TET1: variants seen among roughly 807,000 people sequenced by gnomAD.
TET1 encodes the protein tet methylcytosine dioxygenase 1.
Under a neutral mutation model 148.7 loss-of-function variants are expected in TET1, and 13 were observed. The observed-to-expected ratio is 0.09, with a 90% confidence interval of 0.06 to 0.14. The LOEUF (loss-of-function observed/expected upper bound fraction) is 0.14, where lower values mean the gene tolerates loss of function less well. Among genes scored for constraint, TET1 ranks in the 10% least tolerant of loss-of-function variants. The pLI is 1.00. For synonymous variants in TET1, 907 were observed against 937.2 expected (o/e 0.97, Z 0.59); for missense variants, 2,182 against 2,553.8 (o/e 0.85, Z 3.14).
chr10:68,691,218 C>G lies in TET1; in HGVS notation c.5815C>G (p.Pro1939Ala). 6.2e-7 allele frequency: 1 copy of G among 1,614,134 alleles called. No individual in the cohort carries two copies. The highest frequency in any genetic ancestry group is 8.5e-7 in the Non-Finnish European group (1 of 1,180,028). Residue 1939 changes from proline to alanine, a missense_variant, in exon 12 of 12, where the codon CCA becomes GCA. By Grantham distance (27) the Pro-to-Ala change is conservative. Around this residue, in one of 11 missense-constraint regions of TET1, gnomAD observed 380 missense variants for 387.9 expected, o/e 0.98. Coordinates refer to ENST00000373644, the MANE Select transcript of TET1 (RefSeq NM_030625.3). The surrounding 1 kb of genome is among the most constrained non-coding windows in gnomAD (Gnocchi z 4.4). ...GVTEPLTPHQ[P>A]NHQPSFLTSP... ...GACTGAGCCGCTAACGCCTCATCAG[C>G]CAAACCACCAGCCCTCCTTCCTCAC...
chr10:68,680,945 T>C (rs570949872), intron 8 of TET1, among the ~76,000 whole-genome samples: 64 of 152,218 alleles, frequency 4.2e-4, no homozygotes, highest in Non-Finnish European at 7.6e-4. Flanking sequence ...ATGGATTCCA[T>C]TTGAAACAGG....
At chr10:68,586,464 C>T (rs971925551) in intron 2 of TET1, among the ~76,000 whole-genome samples, 1 of 149,694 alleles carries the variant, frequency 6.7e-6, no homozygotes, top group African/African-American at 2.5e-5. Context: ...AGGCGTGTGC[C>T]ATTGCACCCA....
At chr10:68,643,883 G>T (rs531790000) in intron 3 of TET1, among the ~76,000 whole-genome samples, 37 of 151,974 alleles carry the variant, frequency 2.4e-4, no homozygotes, top group Non-Finnish European at 4.1e-4. Context: ...GAACACTACC[G>T]ATGTAAAAGT....
At position 68,692,461 on chromosome 10, in the gene TET1, G is replaced by A. The variant is rs1192314011; in HGVS notation, c.*647G>A. ...CACTTTCTATTTTTAAAAGTAACTTGAAATAATATAGTATAAGAATCCTAT... is the reference window on the plus strand; with the variant it reads ...CACTTTCTATTTTTAAAAGTAACTTAAAATAATATAGTATAAGAATCCTAT... On this transcript the variant is annotated 3_prime_UTR_variant, in exon 12 of 12. Coordinates refer to ENST00000373644, the MANE Select transcript of TET1 (RefSeq NM_030625.3). 2 of 231,900 alleles carry A rather than the reference G, an allele frequency of 8.6e-6. No individual in the cohort carries two copies. The highest frequency in any genetic ancestry group is 4.4e-5 in the African/African-American group (2 of 45,256). The allele number at this position is 231,900 out of a possible 1,614,324, so 14.4% of individuals were successfully genotyped here.
At chr10:68,628,059 G>A (rs145200014) in intron 3 of TET1, among the ~76,000 whole-genome samples, 5 of 152,246 alleles carry the variant, frequency 3.3e-5, no homozygotes, top group East Asian at 1.9e-4. Flanking sequence ...GTGCAGTGGC[G>A]TGATCTCGGC....
At chr10:68,654,581 C>T (rs1052852179) in intron 6 of TET1, among the ~76,000 whole-genome samples, 1 of 152,160 alleles carries the variant, frequency 6.6e-6, no homozygotes, top group Non-Finnish European at 1.5e-5. Flanking sequence ...CGTGCCTCTG[C>T]ACTCCAGCCT....
intron 3 of TET1, among the ~76,000 whole-genome samples, chr10:68,610,119 T>C (rs1358243260): frequency 1.3e-5 from 2 of 152,046 alleles, no homozygotes; most frequent in Non-Finnish European, 2.9e-5. Context: ...CCATCTCTAC[T>C]AAAAATACAA....
chr10:68,583,366 T>C (rs1018300434), intron 2 of TET1, among the ~76,000 whole-genome samples: 1 of 152,138 alleles, frequency 6.6e-6, no homozygotes, highest in African/African-American at 2.4e-5. Flanking sequence ...TGCATTATTA[T>C]CATACTAAAA....
At chr10:68,611,258 T>C (rs550671772) in intron 3 of TET1, among the ~76,000 whole-genome samples, 1 of 152,038 alleles carries the variant, frequency 6.6e-6, no homozygotes, top group South Asian at 2.1e-4. Context: ...GCCACTGCAC[T>C]GTAGCCTGGG....
intron 3 of TET1, among the ~76,000 whole-genome samples, chr10:68,638,734 C>G (rs1411848803): frequency 1.3e-5 from 2 of 148,232 alleles, no homozygotes; most frequent in Non-Finnish European, 3.0e-5. Flanking sequence ...GTAGCTGTTT[C>G]TTGATACAGG....
chr10:68,661,207 T>TC (rs1250954550), intron 6 of TET1, among the ~76,000 whole-genome samples: 2 of 139,100 alleles, frequency 1.4e-5, no homozygotes, highest in African/African-American at 5.5e-5. Context: ...TTTTTTTTTT[T>TC]TTTTTTTTTT....
chr10:68,690,562 G>T (rs2055575998), intron 11 of TET1, among the ~76,000 whole-genome samples: 1 of 152,192 alleles, frequency 6.6e-6, no homozygotes, highest in South Asian at 2.1e-4. Flanking sequence ...CAGCCTGGGG[G>T]ACAGAGCGAG....
At chr10:68,668,426 G>A (rs1197675548) in intron 7 of TET1, among the ~76,000 whole-genome samples, 1 of 152,158 alleles carries the variant, frequency 6.6e-6, no homozygotes, top group East Asian at 1.9e-4. Context: ...TGCTCTAGGT[G>A]GTTTCACTTA....
At chr10:68,661,573 A>AC (rs2055115673) in intron 6 of TET1, among the ~76,000 whole-genome samples, 1 of 151,742 alleles carries the variant, frequency 6.6e-6, no homozygotes, top group African/African-American at 2.4e-5. Context: ...TGCAGCCTTG[A>AC]CCCAGGCTCA....
chr10:68,600,647 C>G (rs1194446285), intron 2 of TET1, among the ~76,000 whole-genome samples: 1 of 152,162 alleles, frequency 6.6e-6, no homozygotes, highest in Non-Finnish European at 1.5e-5. Context: ...TACCAAAAAG[C>G]AGTTTGCAGA....
chr10:68,581,777 G>A lies in TET1; in HGVS notation c.1914+7525G>A, dbSNP rs528270991. Among the ~76,000 whole-genome samples the A allele has an allele frequency of 4.6e-5, 7 of 151,984 alleles. No individual in the cohort carries two copies. In the South Asian group the frequency reaches 1.3e-3, roughly 27 times the overall value. On this transcript the variant is annotated intron_variant, in intron 2 of 11. Coordinates refer to ENST00000373644, the MANE Select transcript of TET1 (RefSeq NM_030625.3). Reference sequence around the variant, plus strand: ...GGAGGATAGCTTGAGCTCAGGAGGTGGAGGCTGTAGTGAGCTTAGATCACA... The same window carrying A: ...GGAGGATAGCTTGAGCTCAGGAGGTAGAGGCTGTAGTGAGCTTAGATCACA...
chr10:68,581,236 G>T (rs2053793937), intron 2 of TET1, among the ~76,000 whole-genome samples: 2 of 152,100 alleles, frequency 1.3e-5, no homozygotes, highest in Non-Finnish European at 2.9e-5. Context: ...TTTGTCATCT[G>T]TCAAGCCTAA....
chr10:68,666,665 G>A (rs139695978), intron 6 of TET1, among the ~76,000 whole-genome samples: 4 of 152,228 alleles, frequency 2.6e-5, no homozygotes, highest in East Asian at 1.9e-4. Flanking sequence ...ACAGATTTTT[G>A]TTCTGCCTGT....
At chr10:68,593,715 C>G (rs1056008601) in intron 2 of TET1, among the ~76,000 whole-genome samples, 6 of 152,048 alleles carry the variant, frequency 3.9e-5, no homozygotes, top group Middle Eastern at 3.4e-3. Flanking sequence ...CAGGTTCAAG[C>G]GATTATCCTG....
Sources: allele counts gnomAD v4.1 joint callset (sites outside exome capture counted in the v4.1 genomes callset), GRCh38; gene constraint gnomAD v4.1.1; regional missense constraint gnomAD v4.1.1; non-coding constraint Gnocchi (gnomAD v3.1); transcripts MANE v1.5; gene names NCBI Gene and HGNC (gene_info 2026-07-23, HGNC 2026-07-21).